Variants in PDSS2 observed in about 807,000 individuals in gnomAD.
PDSS2 encodes all trans-polyprenyl-diphosphate synthase PDSS2.
In PDSS2, 31 loss-of-function variants were observed where a neutral mutation model predicts 44.5. The ratio of observed to expected loss-of-function variants is 0.70; its 90% confidence interval spans 0.52 to 0.94. The LOEUF (loss-of-function observed/expected upper bound fraction) is 0.94, where lower values mean the gene tolerates loss of function less well. Ranked by LOEUF, PDSS2 falls within the 40% of genes least tolerant of loss-of-function variation. PDSS2 has a pLI of 0.00. For missense variants in PDSS2, 452 were observed against 482.2 expected, an observed-to-expected ratio of 0.94 and a Z score of 0.59; for synonymous variants, 157 against 180.3, an observed-to-expected ratio of 0.87 and a Z score of 1.03.
chr6:107,378,174 T>A (rs1321215335), intron 1 of PDSS2, among the ~76,000 whole-genome samples: 1 of 151,070 alleles, frequency 6.6e-6, no homozygotes. Context: ...CATACTTAAT[T>A]GTGAAAAAAA....
At chr6:107,326,113 T>C (rs1777537153) in intron 2 of PDSS2, among the ~76,000 whole-genome samples, 1 of 151,172 alleles carries the variant, frequency 6.6e-6, no homozygotes, top group South Asian at 2.1e-4. Context: ...TCTTTTTTTT[T>C]TTTTTTTGAG....
At chr6:107,272,825 A>G (rs1439579934) in intron 3 of PDSS2, among the ~76,000 whole-genome samples, 1 of 152,152 alleles carries the variant, frequency 6.6e-6, no homozygotes, top group African/African-American at 2.4e-5. Context: ...TCTATAAAAA[A>G]TTTAAAAATT....
intron 1 of PDSS2, among the ~76,000 whole-genome samples, chr6:107,428,085 A>T (rs1781061679): frequency 6.6e-6 from 1 of 152,246 alleles, no homozygotes; most frequent in African/African-American, 2.4e-5. Flanking sequence ...TATAAGATAC[A>T]GTCAAAATTT....
At chr6:107,208,001 T>TTA (rs869102544) in intron 6 of PDSS2, among the ~76,000 whole-genome samples, 5 of 145,664 alleles carry the variant, frequency 3.4e-5, no homozygotes, top group African/African-American at 1.3e-4. Flanking sequence ...TTTTTTTTTT[T>TTA]ATGAAACAGA....
chr6:107,192,906 C>T (rs1423395773), intron 7 of PDSS2, among the ~76,000 whole-genome samples: 2 of 152,140 alleles, frequency 1.3e-5, no homozygotes, highest in Non-Finnish European at 2.9e-5. Flanking sequence ...TCTGGAGAGG[C>T]CCTTGAGGGT....
chr6:107,372,107 A>G (rs1779143538), intron 1 of PDSS2, among the ~76,000 whole-genome samples: 1 of 152,186 alleles, frequency 6.6e-6, no homozygotes, highest in Non-Finnish European at 1.5e-5. Flanking sequence ...AGTAATAACC[A>G]TTTATTATTT....
At chr6:107,289,218 C>T (rs2115013050) in intron 2 of PDSS2, among the ~76,000 whole-genome samples, 1 of 151,130 alleles carries the variant, frequency 6.6e-6, no homozygotes, top group South Asian at 2.1e-4. Flanking sequence ...ACTAAAAATA[C>T]AAAAATTAGA....
chr6:107,322,016 C>T (rs533842962), intron 2 of PDSS2, among the ~76,000 whole-genome samples: 1 of 152,312 alleles, frequency 6.6e-6, no homozygotes, highest in African/African-American at 2.4e-5. Context: ...TCACTTCCTA[C>T]CTGATGGGGC....
intron 3 of PDSS2, among the ~76,000 whole-genome samples, chr6:107,246,282 G>A (rs1774611844): frequency 6.6e-6 from 1 of 151,646 alleles, no homozygotes; most frequent in Non-Finnish European, 1.5e-5. Context: ...TGTAAAACAA[G>A]CAGAAAACAG....
At chr6:107,171,965 G>A (rs547722527) in intron 7 of PDSS2, among the ~76,000 whole-genome samples, 4 of 150,252 alleles carry the variant, frequency 2.7e-5, no homozygotes, top group African/African-American at 5.1e-5. Context: ...CAATAAATAC[G>A]AAAGGTGAAT....
At chr6:107,244,932 C>G (rs979070752) in intron 4 of PDSS2, among the ~76,000 whole-genome samples, 2 of 151,988 alleles carry the variant, frequency 1.3e-5, no homozygotes, top group African/African-American at 4.8e-5. Flanking sequence ...AACATCCTAC[C>G]GAAATGAAAT....
chr6:107,222,275 C>A (rs996597252), intron 4 of PDSS2, among the ~76,000 whole-genome samples: 2 of 152,146 alleles, frequency 1.3e-5, no homozygotes, highest in East Asian at 3.9e-4. Flanking sequence ...AATCTAATAT[C>A]TCCTGGGAGC....
chr6:107,345,568 G>A (rs988767812), intron 1 of PDSS2, among the ~76,000 whole-genome samples: 6 of 151,590 alleles, frequency 4.0e-5, no homozygotes, highest in African/African-American at 1.5e-4. Flanking sequence ...ACAGCAGATG[G>A]ATGAAGCCAG....
intron 4 of PDSS2, among the ~76,000 whole-genome samples, chr6:107,220,293 C>T (rs1393454949): frequency 2.0e-5 from 3 of 152,002 alleles, no homozygotes. Flanking sequence ...ATTTATTGGT[C>T]TCAAATGTTT....
intron 1 of PDSS2, among the ~76,000 whole-genome samples, chr6:107,444,447 A>G (rs1295390366): frequency 6.6e-6 from 1 of 152,180 alleles, no homozygotes; most frequent in East Asian, 1.9e-4. Flanking sequence ...GTGAACCCAA[A>G]CAGTCTGATT....
At chr6:107,275,838 G>T (rs2114952783) in intron 2 of PDSS2, among the ~76,000 whole-genome samples, 1 of 152,260 alleles carries the variant, frequency 6.6e-6, no homozygotes, top group East Asian at 1.9e-4. Context: ...AATAGGCCAG[G>T]TGCAGTGGCT....
chr6:107,189,317 A>G (rs117825452), intron 7 of PDSS2, among the ~76,000 whole-genome samples: 2,393 of 151,930 alleles, frequency 0.016, 29 homozygotes, highest in Middle Eastern at 0.031. Flanking sequence ...AGTGTTGGCC[A>G]CTATACCCAG....
chr6:107,389,581 G>A (rs548950808), intron 1 of PDSS2, among the ~76,000 whole-genome samples: 1 of 152,204 alleles, frequency 6.6e-6, no homozygotes, highest in South Asian at 2.1e-4. Context: ...TAAACTAAGG[G>A]GGAAGGCTAC....
chr6:107,429,228 C>T (rs963957802), intron 1 of PDSS2, among the ~76,000 whole-genome samples: 1 of 152,144 alleles, frequency 6.6e-6, no homozygotes, highest in African/African-American at 2.4e-5. Context: ...TTTCCTGTGG[C>T]TACAGCTTAG....
Sources: allele counts gnomAD v4.1 joint callset (sites outside exome capture counted in the v4.1 genomes callset), GRCh38; gene constraint gnomAD v4.1.1; transcripts MANE v1.5; gene names NCBI Gene and HGNC (gene_info 2026-07-23, HGNC 2026-07-21).